RPUSD3: variants seen among roughly 807,000 people sequenced by gnomAD.
RPUSD3 encodes mitochondrial mRNA pseudouridine synthase RPUSD3.
A neutral mutation model predicts 35.1 loss-of-function variants in RPUSD3; 36 were observed. That is an observed-to-expected ratio of 1.02 (90% CI 0.79 to 1.35). The LOEUF is 1.35. Among genes scored for constraint, RPUSD3 ranks in the 40% most tolerant of loss-of-function variants. RPUSD3 has a pLI of 0.00. For synonymous variants in RPUSD3, 202 were observed against 187.8 expected, an observed-to-expected ratio of 1.08 and a Z score of -0.62; for missense variants, 486 against 441.9, an observed-to-expected ratio of 1.10 and a Z score of -0.89.
At chr3:9,840,005 C>T (rs2082079663) in intron 7 of RPUSD3, 179 bp downstream of exon 7, 4 of 649,278 alleles carry the variant, frequency 6.2e-6, no homozygotes, top group Non-Finnish European at 1.0e-5. Flanking sequence ...CTCAGCCTCC[C>T]GAGTAGCTGG....
At chr3:9,842,317 C>T in intron 2 of RPUSD3, 74 bp from the exon 3 acceptor site, 1 of 1,416,284 alleles carries the variant, frequency 7.1e-7, no homozygotes, top group Non-Finnish European at 1.0e-6. Context: ...GTTTCCAGAG[C>T]ACTTTCTCAC....
chr3:9,843,925 T>C, exon 1 of RPUSD3: 4 of 1,604,738 alleles, frequency 2.5e-6, no homozygotes, highest in Non-Finnish European at 2.5e-6. Flanking sequence ...CCTCGGGCAC[T>C]GGGCGGACAC....
chr3:9,839,278 A>T, intron 7 of RPUSD3, 107 bp from the exon 8 acceptor site: 1 of 1,353,474 alleles, frequency 7.4e-7, no homozygotes, highest in East Asian at 2.4e-5. Flanking sequence ...CCTTTCTCAG[A>T]TCATATGTTT....
exon 1 of RPUSD3, chr3:9,843,944 C>T (rs765768711): frequency 3.1e-6 from 5 of 1,602,138 alleles, no homozygotes; most frequent in Admixed American, 1.7e-5. Flanking sequence ...ACCCAGGCCC[C>T]GCCGCCAGCC....
exon 9 of RPUSD3, chr3:9,837,937 T>G: frequency 6.3e-5 from 90 of 1,439,232 alleles, no homozygotes; most frequent in Non-Finnish European, 7.7e-5. Context: ...GTCCAGGATG[T>G]GATCTTAGGT....
rs141208638 is a variant in RPUSD3 at position 9,839,189 on chromosome 3, C to T, written c.725-18G>A. On this transcript the variant is annotated intron_variant, in intron 7 of 8. Transcript: ENST00000383820. The stretch of plus-strand genomic sequence containing the variant: ...GGAGAACACTGGGCAACAGGAAAGC[C>T]AGGAGAGACAGTGGGCAGCTACTCG... 4 of 1,597,190 alleles carry T rather than the reference C, an allele frequency of 2.5e-6. No homozygotes were observed. In the East Asian group the frequency reaches 9.0e-5, roughly 36 times the overall value.
chr3:9,843,618 A>G lies in RPUSD3; in HGVS notation c.126-17T>C, dbSNP rs2082136308. On this transcript the variant is annotated splice_polypyrimidine_tract_variant and intron_variant, in intron 1 of 8. Coordinates refer to ENST00000383820, the Ensembl canonical transcript of RPUSD3. Reference sequence around the variant, plus strand: ...CTCTGATGCCTGGACAAGGAGGGAGAAGCAATGGGAGTCATTCCATCCCGA... The same window carrying G: ...CTCTGATGCCTGGACAAGGAGGGAGGAGCAATGGGAGTCATTCCATCCCGA... 2 of 1,612,876 alleles carry G rather than the reference A, an allele frequency of 1.2e-6. No homozygotes were observed. The highest frequency in any genetic ancestry group is 1.7e-6 in the Non-Finnish European group (2 of 1,179,764).
In RPUSD3 at chr3:9,842,257, C is replaced by G. The variant is rs1284196371; in HGVS notation, c.263-14G>C. ...TCACTAGAGGTCCTGAAACATACAT[C>G]ACACGAACATCAGCAAAAGCAACGG... is the stretch of plus-strand genomic sequence containing the variant. On this transcript the variant is annotated splice_polypyrimidine_tract_variant and intron_variant, in intron 2 of 8. Coordinates refer to ENST00000383820, the Ensembl canonical transcript of RPUSD3. 1.2e-6 allele frequency: 2 copies of G among 1,614,012 alleles called. No homozygotes were observed. Among genetic ancestry groups the G allele is most frequent in the Non-Finnish European group, 1.7e-6 (2 of 1,179,982 alleles).
chr3:9,843,746 G>T, intron 1 of RPUSD3, 144 bp downstream of exon 1: 2 of 1,538,702 alleles, frequency 1.3e-6, no homozygotes, highest in Non-Finnish European at 1.8e-6. Context: ...AGGTACGACC[G>T]GTCCCATTCT....
chr3:9,838,172 C>T, exon 9 of RPUSD3: 1 of 1,612,066 alleles, frequency 6.2e-7, no homozygotes, highest in East Asian at 2.2e-5. Context: ...GGGAGGGGGT[C>T]AGGTGGAGGC....
intron 4 of RPUSD3, chr3:9,841,013 A>T: frequency 2.5e-6 from 1 of 404,116 alleles, no homozygotes. Context: ...CCCGGCCCCC[A>T]GGGAACTCAG....
intron 4 of RPUSD3, 146 bp downstream of exon 4, chr3:9,841,837 G>T: frequency 2.9e-6 from 2 of 690,942 alleles, no homozygotes; most frequent in Non-Finnish European, 5.0e-6. Context: ...CAGAGCCATC[G>T]GCTTCCTCTT....
At chr3:9,838,183 G>T in exon 9 of RPUSD3, 1 of 1,612,062 alleles carries the variant, frequency 6.2e-7, no homozygotes, top group African/African-American at 1.3e-5. Flanking sequence ...AGGTGGAGGC[G>T]TCTGAGGAGG....
exon 7 of RPUSD3, chr3:9,840,272 G>C (rs1264522974): frequency 6.2e-7 from 1 of 1,614,062 alleles, no homozygotes; most frequent in Admixed American, 1.7e-5. Context: ...CACCTTCCAG[G>C]ATGTCCTTTC....
chr3:9,843,984 C>G (rs777565596), exon 1 of RPUSD3: 2 of 1,599,438 alleles, frequency 1.3e-6, no homozygotes, highest in Non-Finnish European at 1.7e-6. Context: ...ACACGGCGGC[C>G]GTCCATCTCC....
intron 2 of RPUSD3, 146 bp from the exon 3 acceptor site, chr3:9,842,389 T>A (rs2082117327): frequency 1.4e-5 from 11 of 774,494 alleles, no homozygotes; most frequent in Admixed American, 8.1e-5. Context: ...CACACCAAAT[T>A]CAACTTCTTT....
chr3:9,838,070 T>C, exon 9 of RPUSD3: 1 of 1,609,292 alleles, frequency 6.2e-7, no homozygotes, highest in Non-Finnish European at 8.5e-7. Flanking sequence ...AAGGGGGCAG[T>C]GGTGCCAGGA....
At chr3:9,842,306 A>C in intron 2 of RPUSD3, 63 bp from the exon 3 acceptor site, 1 of 1,507,806 alleles carries the variant, frequency 6.6e-7, no homozygotes, top group Non-Finnish European at 9.2e-7. Flanking sequence ...AGCACTAAAG[A>C]GTTTCCAGAG....
chr3:9,842,582 A>G, intron 2 of RPUSD3: 1 of 386,658 alleles, frequency 2.6e-6, no homozygotes, highest in Non-Finnish European at 4.8e-6. Flanking sequence ...GTTTATGCAT[A>G]GCACTTACCA....
Sources: allele counts gnomAD v4.1 joint callset, GRCh38; gene constraint gnomAD v4.1.1; transcripts MANE v1.5; gene names NCBI Gene and HGNC (gene_info 2026-07-23, HGNC 2026-07-21).